AAR2: variants seen among roughly 807,000 people sequenced by gnomAD.
The protein encoded by AAR2 is AAR2 splicing factor, also known as protein AAR2 homolog.
Under a neutral mutation model 26.9 loss-of-function variants are expected in AAR2, and 31 were observed. That is an observed-to-expected ratio of 1.15 (90% CI 0.86 to 1.55). The LOEUF is 1.55. Among genes scored for constraint, AAR2 ranks in the 40% most tolerant of loss-of-function variants. The probability of loss-of-function intolerance (pLI) is 0.00; values close to 1 mark genes in which losing one functional copy is unlikely to be tolerated. For missense variants in AAR2, 430 were observed against 491.3 expected (o/e 0.88, Z 1.18); for synonymous variants, 188 against 196.1 (o/e 0.96, Z 0.34).
At chr20:36,239,442 C>T (rs537135887) in intron 1 of AAR2, among the ~76,000 whole-genome samples, 2 of 152,306 alleles carry the variant, frequency 1.3e-5, no homozygotes, top group African/African-American at 4.8e-5. Context: ...CCTGTCCAGG[C>T]ATTTTCCACC....
chr20:36,255,881 C>G lies in AAR2; in HGVS notation c.*136C>G. 1 of 1,089,312 alleles carries G rather than the reference C, an allele frequency of 9.2e-7. No homozygotes were observed. The highest frequency in any genetic ancestry group is 2.6e-5 in the East Asian group (1 of 38,568). 67.5% of individuals were successfully genotyped at this position (1,089,312 alleles called of 1,614,324 possible). On this transcript the variant is annotated 3_prime_UTR_variant, in exon 4 of 4. Coordinates refer to ENST00000320849, the MANE Select transcript of AAR2 (RefSeq NM_001271874.2). ...GTCCTGCAAAGATGGAGCCAGAATT[C>G]CCTTTTTCACTGATAAATATATTTC...
chr20:36,245,001 C>G (rs2064720448), intron 3 of AAR2, 75 bp downstream of exon 3: 1 of 1,397,264 alleles, frequency 7.2e-7, no homozygotes. Flanking sequence ...TTGTTTCTCG[C>G]TATTCTTCCA....
intron 1 of AAR2, among the ~76,000 whole-genome samples, chr20:36,238,632 G>A (rs577368798): frequency 9.2e-5 from 14 of 151,862 alleles, no homozygotes; most frequent in Non-Finnish European, 1.8e-4. Flanking sequence ...GGCACACACC[G>A]GTAGTCTCAG....
intron 3 of AAR2, among the ~76,000 whole-genome samples, chr20:36,246,769 G>T (rs553984202): frequency 2.0e-5 from 3 of 152,348 alleles, no homozygotes; most frequent in African/African-American, 7.2e-5. Flanking sequence ...CAGGTGGGTT[G>T]TGCAAAGCTG....
intron 3 of AAR2, among the ~76,000 whole-genome samples, chr20:36,250,073 A>G (rs1258499262): frequency 2.0e-5 from 3 of 152,258 alleles, no homozygotes; most frequent in Non-Finnish European, 4.4e-5. Context: ...TAGCTAAAAA[A>G]ATAGGATAAG....
intron 3 of AAR2, among the ~76,000 whole-genome samples, chr20:36,246,614 G>A (rs1233235429): frequency 1.3e-5 from 2 of 152,202 alleles, no homozygotes; most frequent in African/African-American, 4.8e-5. Context: ...ACGTTGATGC[G>A]TCGCACAGAC....
Position 36,240,307 on chromosome 20 carries a change from A to G in AAR2, c.439A>G (p.Lys147Glu), listed in dbSNP as rs1421626642. The G allele has an allele frequency of 3.7e-6, 6 of 1,614,110 alleles. No homozygotes were observed. The highest frequency in any genetic ancestry group is 4.2e-6 in the Non-Finnish European group (5 of 1,180,046). ...CTTCATCAGCGAAGCCACAGTGGAG[A>G]AGCTACAGCCCGAGAATCGACAGAT... The part of the protein sequence containing the change: ...TNFISEATVE[K>E]LQPENRQICA... The change falls in exon 2 of 4, where the codon AAG (lysine) becomes GAG (glutamate). Residue 147 changes from lysine to glutamate, a missense_variant. Transcript: ENST00000320849.
Position 36,244,856 on chromosome 20 carries a change from T to G in AAR2, c.917T>G (p.Leu306Arg), listed in dbSNP as rs750338713. 6.2e-7 allele frequency: 1 copy of G among 1,614,068 alleles called. No homozygotes were observed. Among genetic ancestry groups the G allele is most frequent in the Non-Finnish European group, 8.5e-7 (1 of 1,180,028 alleles). Residue 306 changes from leucine to arginine, a missense_variant, in exon 3 of 4, where the codon CTT (leucine) becomes CGT (arginine). Physicochemically the swap from Leu to Arg is moderately radical, Grantham distance 102 (BLOSUM62 -2). Transcript: ENST00000320849. ...INLISILYHQ[L>R]GEIPADFFVD... ...CTCATCTCCATCCTGTACCACCAGC[T>G]TGGTGAGATCCCCGCTGACTTCTTC...
At chr20:36,253,310 C>T (rs1018554778) in intron 3 of AAR2, among the ~76,000 whole-genome samples, 1 of 152,060 alleles carries the variant, frequency 6.6e-6, no homozygotes, top group Non-Finnish European at 1.5e-5. Flanking sequence ...GGCATGAGGG[C>T]GATGTGGATC....
intron 2 of AAR2, among the ~76,000 whole-genome samples, chr20:36,240,968 C>T (rs1205125974): frequency 1.3e-5 from 2 of 152,190 alleles, no homozygotes; most frequent in African/African-American, 4.8e-5. Context: ...CTCTTGGTTT[C>T]TGGGCCAGAC....
Position 36,255,910 on chromosome 20 carries a change from A to G in AAR2, c.*165A>G. On this transcript the variant is annotated 3_prime_UTR_variant, in exon 4 of 4. Transcript: ENST00000320849. ...TTTTCACTGATAAATATATTTCTTC[A>G]TTGCCAAAGAGGCTGTACCCATCCT... The G allele has an allele frequency of 1.0e-6, 1 of 964,994 alleles. No homozygotes were observed. The highest frequency in any genetic ancestry group is 1.8e-5 in the South Asian group (1 of 56,392). 59.8% of individuals were successfully genotyped at this position (964,994 alleles called of 1,614,324 possible). A position where few individuals can be genotyped will look rare whatever the true frequency, so the allele number is the denominator to read the frequency against.
intron 2 of AAR2, among the ~76,000 whole-genome samples, chr20:36,242,203 A>G (rs1411207576): frequency 7.0e-6 from 1 of 142,506 alleles, no homozygotes; most frequent in Admixed American, 7.3e-5. Context: ...GGTGGAGTAC[A>G]GTCAGTCACA....
chr20:36,237,059 G>C (rs531219678), intron 1 of AAR2, among the ~76,000 whole-genome samples: 1 of 152,228 alleles, frequency 6.6e-6, no homozygotes. Context: ...GCTGAGATCA[G>C]AAAAAAGGAT....
intron 2 of AAR2, among the ~76,000 whole-genome samples, chr20:36,243,394 A>G (rs2064702802): frequency 6.6e-6 from 1 of 152,242 alleles, no homozygotes; most frequent in Non-Finnish European, 1.5e-5. Context: ...CTATTCACAC[A>G]AATCAAACTT....
intron 3 of AAR2, among the ~76,000 whole-genome samples, chr20:36,252,630 C>T (rs768289906): frequency 6.6e-6 from 1 of 152,100 alleles, no homozygotes; most frequent in African/African-American, 2.4e-5. Context: ...GAGGGAAAAG[C>T]GTGTGTGCAG....
rs2064813231 is a variant in AAR2 at position 36,255,563 on chromosome 20, C to T, written c.988-15C>T. On this transcript the variant is annotated splice_polypyrimidine_tract_variant and intron_variant, in intron 3 of 3. Transcript: ENST00000320849. Reference sequence around the variant, plus strand: ...TCCGTCTTCTCAGGAGTGACTTATCCTCTGTTCTCTGTAGGTTTTCTTTTC... The same window carrying T: ...TCCGTCTTCTCAGGAGTGACTTATCTTCTGTTCTCTGTAGGTTTTCTTTTC... 3.1e-6 allele frequency: 5 copies of T among 1,613,894 alleles called. No homozygotes were observed. The South Asian group carries it at 5.5e-5, about 18-fold the overall frequency.
At position 36,236,514 on chromosome 20, in the gene AAR2, C is replaced by A. The variant is rs1049865887; in HGVS notation, c.-49+11C>A. ...ACGTGGGGCGAGGCGGTGAGTGTGG[C>A]CTCCTGGCCTCTTTTTCCTTTCCTG... On this transcript the variant is annotated intron_variant, in intron 1 of 3. Transcript: ENST00000320849. 1 of 152,200 alleles carries A rather than the reference C, an allele frequency of 6.6e-6. No homozygotes were observed. Among genetic ancestry groups the A allele is most frequent in the Non-Finnish European group, 1.5e-5 (1 of 68,042 alleles). 9.4% of individuals were successfully genotyped at this position (152,200 alleles called of 1,614,324 possible).
Position 36,238,631 on chromosome 20 carries a change from C to T in AAR2, c.-48-1190C>T, listed in dbSNP as rs558502973. On this transcript the variant is annotated intron_variant, in intron 1 of 3. Transcript: ENST00000320849. ...CTTAGCCAGGTGTGGTGGCACACAC[C>T]GGTAGTCTCAGCTGCTTGGGAGGCT... Among the ~76,000 whole-genome samples, 7 of 151,772 alleles carry T rather than the reference C, an allele frequency of 4.6e-5. No individual in the cohort carries two copies. The East Asian group carries it at 7.8e-4, about 17-fold the overall frequency.
At position 36,244,855 on chromosome 20, in the gene AAR2, C is replaced by A; in HGVS notation, c.916C>A (p.Leu306Ile). 2 of 1,614,224 alleles carry A rather than the reference C, an allele frequency of 1.2e-6. No homozygotes were observed. Among genetic ancestry groups the A allele is most frequent in the South Asian group, 1.1e-5 (1 of 91,086 alleles). The change falls in exon 3 of 4, where the codon CTT (leucine) becomes ATT (isoleucine). Residue 306 changes from leucine to isoleucine, a missense_variant. By Grantham distance (5) the Leu-to-Ile change is conservative (BLOSUM62 2). Transcript: ENST00000320849. ...CCTCATCTCCATCCTGTACCACCAG[C>A]TTGGTGAGATCCCCGCTGACTTCTT... ...INLISILYHQ[L>I]GEIPADFFVD...
Sources: allele counts gnomAD v4.1 joint callset (sites outside exome capture counted in the v4.1 genomes callset), GRCh38; gene constraint gnomAD v4.1.1; transcripts MANE v1.5; gene names NCBI Gene and HGNC (gene_info 2026-07-23, HGNC 2026-07-21).